The following PCDH9 variants were observed in gnomAD, a reference collection of about 807,000 sequenced individuals.
The protein encoded by PCDH9 is protocadherin 9.
In PCDH9, 24 loss-of-function variants were observed where a neutral mutation model predicts 70.6. The ratio of observed to expected loss-of-function variants is 0.34; its 90% CI spans 0.25 to 0.48. The LOEUF is 0.48. PCDH9 is among the 20% of genes least tolerant of loss of function. PCDH9 has a pLI of 0.99. For synonymous variants in PCDH9, 562 were observed against 558.5 expected (o/e 1.01, Z -0.09); for missense variants, 1,281 against 1,503.6 (o/e 0.85, Z 2.45).
chr13:66,647,512 A>C (rs190898973), intron 3 of PCDH9, among the ~76,000 whole-genome samples: 12 of 152,222 alleles, frequency 7.9e-5, no homozygotes, highest in African/African-American at 2.9e-4. Flanking sequence ...CCTGCTGACT[A>C]AAGAGCCCTT....
intron 4 of PCDH9, among the ~76,000 whole-genome samples, chr13:66,358,429 T>G (rs1443996674): frequency 6.6e-6 from 1 of 152,024 alleles, no homozygotes; most frequent in African/African-American, 2.4e-5. Flanking sequence ...ATATGAGGTA[T>G]GCAAAGGAAC....
At chr13:66,548,676 A>G (rs1961330827) in intron 4 of PCDH9, among the ~76,000 whole-genome samples, 1 of 152,160 alleles carries the variant, frequency 6.6e-6, no homozygotes, top group South Asian at 2.1e-4. Context: ...AACTATAGTG[A>G]TATCCACTTT....
chr13:66,775,762 T>A (rs973085539), intron 3 of PCDH9, among the ~76,000 whole-genome samples: 1 of 152,194 alleles, frequency 6.6e-6, no homozygotes, highest in African/African-American at 2.4e-5. Context: ...AACAGTAGGC[T>A]ATTAGCAGTG....
chr13:66,610,608 T>C (rs2077282423), intron 4 of PCDH9, among the ~76,000 whole-genome samples: 1 of 152,188 alleles, frequency 6.6e-6, no homozygotes, highest in Non-Finnish European at 1.5e-5. Flanking sequence ...GAACTTCTTA[T>C]TTTAAATCAT....
chr13:67,091,896 G>A (rs995356281), intron 2 of PCDH9, among the ~76,000 whole-genome samples: 2 of 151,920 alleles, frequency 1.3e-5, no homozygotes, highest in African/African-American at 2.4e-5. Flanking sequence ...AAATGTCTTT[G>A]TTTTAAGGAT....
intron 4 of PCDH9, among the ~76,000 whole-genome samples, chr13:66,389,195 T>C (rs972839206): frequency 1.3e-5 from 2 of 152,188 alleles, no homozygotes; most frequent in Admixed American, 6.5e-5. Flanking sequence ...CTAATGTTTA[T>C]AATGTGTTTA....
At chr13:66,515,284 G>T (rs576801149) in intron 4 of PCDH9, among the ~76,000 whole-genome samples, 1 of 151,864 alleles carries the variant, frequency 6.6e-6, no homozygotes, top group African/African-American at 2.4e-5. Context: ...AATATAATTG[G>T]TGTTTGAACA....
chr13:66,571,640 G>T (rs1416792517), intron 4 of PCDH9, among the ~76,000 whole-genome samples: 1 of 151,802 alleles, frequency 6.6e-6, no homozygotes, highest in Non-Finnish European at 1.5e-5. Flanking sequence ...AAAGACTGTT[G>T]TTTTTGTATA....
Position 67,107,008 on chromosome 13 carries a change from A to G in PCDH9, c.3036+118397T>C, listed in dbSNP as rs1356576048. ...ATGAGGTCTGCAGGTGCTCCTTGGCATGAACAGCCGGGGCACCATGGACAT... is the reference window on the plus strand; with the variant it reads ...ATGAGGTCTGCAGGTGCTCCTTGGCGTGAACAGCCGGGGCACCATGGACAT... On this transcript the variant is annotated intron_variant, in intron 2 of 4. Coordinates refer to ENST00000377865, the MANE Select transcript of PCDH9 (RefSeq NM_203487.3). Among the ~76,000 whole-genome samples, 5 of 152,282 alleles carry G rather than the reference A, an allele frequency of 3.3e-5. No homozygotes were observed. In the East Asian group the frequency reaches 9.7e-4, roughly 29 times the overall value.
chr13:67,115,307 T>A (rs1251901555), intron 2 of PCDH9, among the ~76,000 whole-genome samples: 1 of 152,304 alleles, frequency 6.6e-6, no homozygotes, highest in Middle Eastern at 3.4e-3. Context: ...CACATATCTT[T>A]GTGAACAGCA....
intron 3 of PCDH9, among the ~76,000 whole-genome samples, chr13:66,676,497 A>G (rs2078244747): frequency 2.0e-5 from 3 of 152,256 alleles, no homozygotes; most frequent in South Asian, 4.1e-4. Flanking sequence ...TAATTCTTAT[A>G]TGACTTAAGA....
rs1287717326 is a variant in PCDH9, at chr13:66,490,121, C to T, written c.3340+141089G>A. Among the ~76,000 whole-genome samples the T allele has an allele frequency of 2.6e-5, 4 of 152,116 alleles. No individual in the cohort carries two copies. In the South Asian group the frequency reaches 6.2e-4, roughly 24 times the overall value. On this transcript the variant is annotated intron_variant, in intron 4 of 4. Transcript: ENST00000377865. Reference sequence around the variant, plus strand: ...CATTAGGTATTTCTCCTAATGCTGTCGTAGAAATATTTCTAAATCTTGTAT... The same window carrying T: ...CATTAGGTATTTCTCCTAATGCTGTTGTAGAAATATTTCTAAATCTTGTAT...
intron 3 of PCDH9, among the ~76,000 whole-genome samples, chr13:66,870,897 C>G (rs1434164275): frequency 6.6e-6 from 1 of 152,078 alleles, no homozygotes; most frequent in Non-Finnish European, 1.5e-5. Flanking sequence ...GGTATATACC[C>G]AAAGGACTAT....
intron 3 of PCDH9, among the ~76,000 whole-genome samples, chr13:66,835,690 A>T (rs1027775838): frequency 6.6e-6 from 1 of 152,158 alleles, no homozygotes; most frequent in African/African-American, 2.4e-5. Flanking sequence ...ATGTCTATAA[A>T]CATCTGAATT....
rs138007299 is a variant in PCDH9, at chr13:67,095,691, T to C, written c.3036+129714A>G. Among the ~76,000 whole-genome samples, 36 of 152,316 alleles carry C rather than the reference T, an allele frequency of 2.4e-4. No individual in the cohort carries two copies. In the East Asian group the frequency reaches 4.0e-3, roughly 17 times the overall value. The stretch of plus-strand genomic sequence containing the variant: ...CAAGGATTAAATGAGATAATGTCTA[T>C]AAAATGCCTACCATAATACTTGTCA... On this transcript the variant is annotated intron_variant, in intron 2 of 4. Transcript: ENST00000377865.
intron 4 of PCDH9, among the ~76,000 whole-genome samples, chr13:66,557,074 A>G (rs1338124662): frequency 2.6e-5 from 4 of 152,200 alleles, no homozygotes; most frequent in Non-Finnish European, 4.4e-5. Context: ...GAGCTCATCA[A>G]TAAGATTATG....
chr13:67,121,817 T>C (rs2086882495), intron 2 of PCDH9, among the ~76,000 whole-genome samples: 1 of 152,232 alleles, frequency 6.6e-6, no homozygotes, highest in Non-Finnish European at 1.5e-5. Flanking sequence ...TATAATCATA[T>C]AGAAGTCATG....
chr13:67,096,007 A>C (rs751985867), intron 2 of PCDH9, among the ~76,000 whole-genome samples: 7 of 152,226 alleles, frequency 4.6e-5, no homozygotes, highest in Non-Finnish European at 1.0e-4. Flanking sequence ...ACATTATAGT[A>C]ATAAAGACAA....
chr13:66,420,809 G>A (rs1345483621), intron 4 of PCDH9, among the ~76,000 whole-genome samples: 2 of 152,080 alleles, frequency 1.3e-5, no homozygotes, highest in Non-Finnish European at 2.9e-5. Flanking sequence ...ACCAGCAAGG[G>A]AGTAAAACTG....
Sources: allele counts gnomAD v4.1 joint callset (sites outside exome capture counted in the v4.1 genomes callset), GRCh38; gene constraint gnomAD v4.1.1; transcripts MANE v1.5; gene names NCBI Gene and HGNC (gene_info 2026-07-23, HGNC 2026-07-21).